DNTT: variants seen among roughly 807,000 people sequenced by gnomAD.
DNTT encodes the protein nucleosidetriphosphate:DNA deoxynucleotidylexotransferase.
A neutral mutation model predicts 60.9 loss-of-function variants in DNTT; 47 were observed. The observed-to-expected ratio is 0.77, with a 90% CI of 0.61 to 0.98. DNTT has a LOEUF of 0.98. Ranked by LOEUF, DNTT falls within the 50% of genes least tolerant of loss-of-function variation. DNTT has a pLI of 0.00. For missense variants in DNTT, 665 were observed against 627.5 expected, an observed-to-expected ratio of 1.06 and a Z score of -0.64; for synonymous variants, 224 against 221.2, an observed-to-expected ratio of 1.01 and a Z score of -0.11.
Position 96,332,512 on chromosome 10 carries a change from G to C in DNTT, c.1275G>C (p.Lys425Asn). Residue 425 changes from lysine to asparagine, a missense_variant, in exon 9 of 11, where the codon AAG (lysine) becomes AAC (asparagine). Coordinates refer to ENST00000371174, the MANE Select transcript of DNTT (RefSeq NM_004088.4). ...DSDQSSWQEGKTWKAIRVDLV... is the reference protein window; with the variant it reads ...DSDQSSWQEGNTWKAIRVDLV... ...ACCAGTCCAGCTGGCAGGAAGGAAA[G>C]ACCTGGAAGGCCATCCGTGTGGATT... The C allele has an allele frequency of 6.2e-7, 1 of 1,614,222 alleles. No homozygotes were observed. Among genetic ancestry groups the C allele is most frequent in the Non-Finnish European group, 8.5e-7 (1 of 1,180,020 alleles).
At chr10:96,319,659 G>T (rs1320886655) in intron 3 of DNTT, among the ~76,000 whole-genome samples, 1 of 152,118 alleles carries the variant, frequency 6.6e-6, no homozygotes, top group African/African-American at 2.4e-5. Flanking sequence ...ATTAATGGGC[G>T]CAACACTTGT....
intron 6 of DNTT, among the ~76,000 whole-genome samples, 167 bp from the exon 7 acceptor site, chr10:96,327,301 C>G (rs1165842560): frequency 1.3e-5 from 2 of 152,156 alleles, no homozygotes; most frequent in African/African-American, 4.8e-5. Context: ...GAAAAATTCA[C>G]AACCAGGAGA....
intron 3 of DNTT, 119 bp downstream of exon 3, chr10:96,319,509 C>G: frequency 7.0e-7 from 1 of 1,419,224 alleles, no homozygotes; most frequent in Non-Finnish European, 9.7e-7. Flanking sequence ...TCCCACCTAC[C>G]TGCAGCCCTA....
At chr10:96,335,771 G>A (rs751054069) in intron 9 of DNTT, 120 bp from the exon 10 acceptor site, 18 of 1,167,644 alleles carry the variant, frequency 1.5e-5, no homozygotes, top group Middle Eastern at 2.6e-4. Context: ...GGCCCTGGGG[G>A]AGGAAAATCA....
At chr10:96,331,702 AG>A (rs1157329803) in intron 8 of DNTT, among the ~76,000 whole-genome samples, 1 of 152,204 alleles carries the variant, frequency 6.6e-6, no homozygotes, top group Non-Finnish European at 1.5e-5. Flanking sequence ...CGTGAGATTT[AG>A]GGGGACAAAC....
At chr10:96,317,412 A>G (rs187934212) in intron 1 of DNTT, among the ~76,000 whole-genome samples, 37 of 152,348 alleles carry the variant, frequency 2.4e-4, no homozygotes, top group Non-Finnish European at 1.0e-4. Flanking sequence ...ATCCCTGTCC[A>G]TGCTTCGAAA....
intron 5 of DNTT, among the ~76,000 whole-genome samples, chr10:96,323,976 C>A (rs924075954): frequency 1.3e-5 from 2 of 152,160 alleles, no homozygotes; most frequent in Non-Finnish European, 2.9e-5. Context: ...CACTCATGGA[C>A]AGCACAGGCA....
chr10:96,327,834 C>T (rs1844956881), intron 7 of DNTT, among the ~76,000 whole-genome samples: 1 of 152,244 alleles, frequency 6.6e-6, no homozygotes, highest in Non-Finnish European at 1.5e-5. Context: ...TCTGCTTTGA[C>T]TGCCATTCCT....
At chr10:96,329,926 C>T (rs1490272940) in intron 8 of DNTT, among the ~76,000 whole-genome samples, 1 of 152,192 alleles carries the variant, frequency 6.6e-6, no homozygotes, top group Non-Finnish European at 1.5e-5. Context: ...ACTGGCCGCT[C>T]TGTACCCTGG....
chr10:96,318,709 A>G (rs914363456), intron 2 of DNTT, among the ~76,000 whole-genome samples, 183 bp downstream of exon 2: 1 of 152,364 alleles, frequency 6.6e-6, no homozygotes, highest in East Asian at 1.9e-4. Context: ...CGATAATGCC[A>G]GCCTCACAAA....
intron 1 of DNTT, among the ~76,000 whole-genome samples, chr10:96,312,625 A>G (rs890498424): frequency 6.6e-6 from 1 of 152,232 alleles, no homozygotes; most frequent in Non-Finnish European, 1.5e-5. Context: ...TGACCCACGA[A>G]ATTGTGAGAT....
intron 4 of DNTT, among the ~76,000 whole-genome samples, chr10:96,321,850 C>T (rs536272257): frequency 7.9e-5 from 12 of 152,096 alleles, no homozygotes; most frequent in Non-Finnish European, 1.0e-4. Context: ...TAGATACAGA[C>T]GTGTTATTTA....
In DNTT at chr10:96,318,885, C is replaced by T. The variant is rs556409840; in HGVS notation, c.378+359C>T. Reference sequence around the variant, plus strand: ...TAGCAGCCAGAAAAGCAGGAGATTCCTTTTTTTCTCTCACTGTGATCATTC... The same window carrying T: ...TAGCAGCCAGAAAAGCAGGAGATTCTTTTTTTTCTCTCACTGTGATCATTC... On this transcript the variant is annotated intron_variant, in intron 2 of 10. Transcript: ENST00000371174. 2.6e-5 allele frequency among the ~76,000 whole-genome samples: 4 copies of T among 152,194 alleles called. No individual in the cohort carries two copies. In the East Asian group the frequency reaches 7.7e-4, roughly 29 times the overall value.
rs1201880026 is a variant in DNTT at position 96,324,409 on chromosome 10, A to G, written c.874+20A>G. On this transcript the variant is annotated intron_variant, in intron 6 of 10. Coordinates refer to ENST00000371174, the MANE Select transcript of DNTT (RefSeq NM_004088.4). ...AAGCAGGTAAATTGTCTCTCCTAAA[A>G]GTCATTGTTGCTATGGGCTGGTCGG... 7 of 1,613,332 alleles carry G rather than the reference A, an allele frequency of 4.3e-6. No homozygotes were observed. Among genetic ancestry groups the G allele is most frequent in the Non-Finnish European group, 5.9e-6 (7 of 1,179,478 alleles).
chr10:96,312,406 T>A (rs1472701998), intron 1 of DNTT, among the ~76,000 whole-genome samples: 1 of 152,122 alleles, frequency 6.6e-6, no homozygotes, highest in Non-Finnish European at 1.5e-5. Context: ...TGGGACACAA[T>A]CTCTGGGACC....
chr10:96,316,681 G>C (rs78039628), intron 1 of DNTT, among the ~76,000 whole-genome samples: 12,266 of 152,186 alleles, frequency 0.081, 678 homozygotes, highest in South Asian at 0.15. Context: ...CCTTTTAGGT[G>C]TGTCATTCAG....
chr10:96,328,188 A>G (rs1844961366), intron 7 of DNTT, among the ~76,000 whole-genome samples: 1 of 152,248 alleles, frequency 6.6e-6, no homozygotes, highest in African/African-American at 2.4e-5. Flanking sequence ...GTTGTTGGAT[A>G]TTGAGGCCTG....
At chr10:96,335,035 A>G (rs1398454721) in intron 9 of DNTT, among the ~76,000 whole-genome samples, 1 of 152,184 alleles carries the variant, frequency 6.6e-6, no homozygotes. Flanking sequence ...TGCAAAGTCC[A>G]TCTCCTCAAC....
At chr10:96,307,304 G>T (rs1202482764) in intron 1 of DNTT, among the ~76,000 whole-genome samples, 1 of 150,042 alleles carries the variant, frequency 6.7e-6, no homozygotes, top group Non-Finnish European at 1.5e-5. Context: ...GGGGTTGGTA[G>T]GGAGAGATTA....
Sources: gnomAD v4.1 joint callset for allele counts (sites outside exome capture counted in the v4.1 genomes callset) on GRCh38, gnomAD v4.1.1 for gene constraint, MANE v1.5 for transcripts, NCBI Gene and HGNC (gene_info 2026-07-23, HGNC 2026-07-21) for gene names.